The following HORMAD2 variants were observed in gnomAD, a reference collection of about 807,000 sequenced individuals.
HORMAD2 encodes the protein HORMA domain containing 2.
In HORMAD2, 45 loss-of-function variants were observed where a neutral mutation model predicts 38.8. The observed-to-expected ratio is 1.16, with a 90% CI of 0.91 to 1.49. HORMAD2 has a LOEUF of 1.49. Ranked by LOEUF, HORMAD2 falls within the 40% of genes most tolerant of loss-of-function variation. HORMAD2 has a pLI of 0.00. For synonymous variants in HORMAD2, 126 were observed against 122.8 expected (o/e 1.03, Z -0.17); for missense variants, 338 against 367.0 (o/e 0.92, Z 0.65).
intron 9 of HORMAD2, 50 bp from the exon 10 acceptor site, chr22:30,121,914 G>C: frequency 6.3e-7 from 1 of 1,577,564 alleles, no homozygotes; most frequent in Non-Finnish European, 8.6e-7. Flanking sequence ...AATCGGATTT[G>C]TTGTATTGAA....
intron 7 of HORMAD2, among the ~76,000 whole-genome samples, chr22:30,113,765 C>T (rs1921836623): frequency 1.3e-5 from 2 of 152,174 alleles, no homozygotes; most frequent in South Asian, 4.1e-4. Context: ...CTATTCTAGA[C>T]TAAATTATGC....
intron 5 of HORMAD2, among the ~76,000 whole-genome samples, chr22:30,111,554 A>T (rs540517490): frequency 6.6e-6 from 1 of 152,248 alleles, no homozygotes; most frequent in East Asian, 1.9e-4. Context: ...CTGACTTTTC[A>T]TATACTCCCT....
intron 10 of HORMAD2, among the ~76,000 whole-genome samples, chr22:30,129,496 A>C (rs944533489): frequency 6.6e-6 from 1 of 152,170 alleles, no homozygotes; most frequent in Non-Finnish European, 1.5e-5. Flanking sequence ...TAAGGTAGAT[A>C]CTATTGTTAT....
At chr22:30,104,328 A>G in intron 4 of HORMAD2, 73 bp from the exon 5 acceptor site, 1 of 1,201,230 alleles carries the variant, frequency 8.3e-7, no homozygotes, top group Non-Finnish European at 1.2e-6. Context: ...AAAAGTGCAA[A>G]TGAATTCTGT....
chr22:30,084,288 T>C (rs1340315996), intron 1 of HORMAD2, among the ~76,000 whole-genome samples: 2 of 152,182 alleles, frequency 1.3e-5, no homozygotes, highest in East Asian at 3.9e-4. Context: ...AGGCATCACC[T>C]GGTAAGACAG....
At chr22:30,163,697 G>A (rs1202529407) in intron 10 of HORMAD2, among the ~76,000 whole-genome samples, 3 of 151,990 alleles carry the variant, frequency 2.0e-5, no homozygotes, top group Non-Finnish European at 4.4e-5. Context: ...CAAAATTCTG[G>A]GATTACAGGC....
intron 1 of HORMAD2, among the ~76,000 whole-genome samples, chr22:30,091,242 CTCTCTTTCTT>C (rs982058817): frequency 4.1e-5 from 6 of 147,966 alleles, no homozygotes; most frequent in African/African-American, 1.5e-4. Context: ...TTCTCTCTCT[CTCTCTTTCTT>C]TCTCTCTTTC....
At chr22:30,201,543 G>C in the HORMAD2 span, among the ~76,000 whole-genome samples, 1 of 148,984 alleles carries the variant, frequency 6.7e-6, no homozygotes, top group Non-Finnish European at 1.5e-5. Flanking sequence ...TCAGCCTCCC[G>C]AGTAGCTGGG....
chr22:30,087,080 T>C (rs2068583604), intron 1 of HORMAD2, among the ~76,000 whole-genome samples: 1 of 152,104 alleles, frequency 6.6e-6, no homozygotes, highest in Admixed American at 6.6e-5. Flanking sequence ...AGGCTGGTCT[T>C]GAACTCCTGA....
intron 1 of HORMAD2, among the ~76,000 whole-genome samples, chr22:30,084,140 T>C (rs923867443): frequency 2.0e-5 from 3 of 152,208 alleles, no homozygotes; most frequent in African/African-American, 4.8e-5. Flanking sequence ...GTCCAGTTTG[T>C]ACTGCTGTAA....
intron 10 of HORMAD2, among the ~76,000 whole-genome samples, chr22:30,148,884 A>G (rs1415344864): frequency 6.6e-6 from 1 of 152,164 alleles, no homozygotes; most frequent in African/African-American, 2.4e-5. Context: ...GGGTGCCTGT[A>G]GTCCCAACTA....
chr22:30,163,255 CTT>C (rs139117847), intron 10 of HORMAD2, among the ~76,000 whole-genome samples: 23,325 of 151,946 alleles, frequency 0.15, 1,872 homozygotes, highest in South Asian at 0.26. Context: ...GAACATGACT[CTT>C]TGTGCATATA....
intron 10 of HORMAD2, among the ~76,000 whole-genome samples, chr22:30,134,797 A>G (rs931059215): frequency 5.9e-5 from 9 of 152,086 alleles, no homozygotes; most frequent in African/African-American, 1.9e-4. Flanking sequence ...TTGAGTCATC[A>G]TAGGAGGGTA....
intron 1 of HORMAD2, among the ~76,000 whole-genome samples, chr22:30,086,365 G>A (rs987111014): frequency 6.6e-6 from 1 of 152,164 alleles, no homozygotes. Flanking sequence ...TCTATGAGAT[G>A]AGTAGGAATT....
chr22:30,123,824 C>T (rs1280868809), intron 10 of HORMAD2, among the ~76,000 whole-genome samples: 1 of 151,534 alleles, frequency 6.6e-6, no homozygotes, highest in Non-Finnish European at 1.5e-5. Context: ...GTGTGCGCCA[C>T]CACACCCAGC....
At chr22:30,090,237 C>T (rs1457669096) in intron 1 of HORMAD2, among the ~76,000 whole-genome samples, 1 of 152,090 alleles carries the variant, frequency 6.6e-6, no homozygotes, top group Non-Finnish European at 1.5e-5. Flanking sequence ...GTGGCAAATG[C>T]TTGTAGTCCC....
intron 2 of HORMAD2, among the ~76,000 whole-genome samples, chr22:30,094,466 T>G (rs898005504): frequency 6.6e-6 from 1 of 152,214 alleles, no homozygotes; most frequent in Non-Finnish European, 1.5e-5. Context: ...CATTCATTAA[T>G]GCATCCTTTG....
At chr22:30,108,842 C>T (rs914201699) in intron 5 of HORMAD2, among the ~76,000 whole-genome samples, 1 of 152,178 alleles carries the variant, frequency 6.6e-6, no homozygotes, top group Non-Finnish European at 1.5e-5. Flanking sequence ...CACACAGTGG[C>T]AGTAAAGTTT....
intron 2 of HORMAD2, among the ~76,000 whole-genome samples, chr22:30,094,805 C>T (rs1601508813): frequency 6.6e-6 from 1 of 152,130 alleles, no homozygotes; most frequent in East Asian, 1.9e-4. Context: ...CCAGCATATG[C>T]CTTGGCTCAG....
Sources: allele counts gnomAD v4.1 joint callset (sites outside exome capture counted in the v4.1 genomes callset), GRCh38; gene constraint gnomAD v4.1.1; transcripts MANE v1.5; gene names NCBI Gene and HGNC (gene_info 2026-07-23, HGNC 2026-07-21).